Variants in NAALADL2 observed in about 807,000 individuals in gnomAD.
The protein encoded by NAALADL2 is N-acetylated alpha-linked acidic dipeptidase like 2.
A neutral mutation model predicts 87.2 loss-of-function variants in NAALADL2; 76 were observed. The observed-to-expected ratio is 0.87, with a 90% CI of 0.72 to 1.05. The LOEUF is 1.05. Among genes scored for constraint, NAALADL2 ranks in the 50% least tolerant of loss-of-function variants. The probability of loss-of-function intolerance (pLI) is 0.00; values close to 1 mark genes in which losing one functional copy is unlikely to be tolerated. For synonymous variants in NAALADL2, 354 were observed against 331.0 expected (o/e 1.07, Z -0.75); for missense variants, 1,089 against 945.8 (o/e 1.15, Z -1.99).
chr3:174,761,566 A>C (rs1202017588), intron 3 of NAALADL2, among the ~76,000 whole-genome samples: 1 of 152,136 alleles, frequency 6.6e-6, no homozygotes, highest in Admixed American at 6.6e-5. Context: ...AGAGAGTATA[A>C]AGGATCCTAT....
In NAALADL2 at chr3:175,050,357, G is replaced by A. The variant is rs909011368; in HGVS notation, c.44-46433G>A. Among the ~76,000 whole-genome samples the A allele has an allele frequency of 4.6e-5, 7 of 152,002 alleles. No homozygotes were observed. In the East Asian group the frequency reaches 1.2e-3, roughly 25 times the overall value. On this transcript the variant is annotated intron_variant, in intron 1 of 13. Coordinates refer to ENST00000454872, the MANE Select transcript of NAALADL2 (RefSeq NM_207015.3). The stretch of plus-strand genomic sequence containing the variant: ...AGCTCACTGCAGCCTCTGCCTCCTG[G>A]GTTCAAACAGTTCTCCTGCTCAGCC...
chr3:175,582,122 A>T (rs2149576641), intron 10 of NAALADL2, among the ~76,000 whole-genome samples: 1 of 152,292 alleles, frequency 6.6e-6, no homozygotes, highest in East Asian at 1.9e-4. Flanking sequence ...TGTACAGTAT[A>T]TGAAATGCCT....
chr3:175,256,400 TCC>T lies in NAALADL2; in HGVS notation c.820-10_820-9del. The T allele has an allele frequency of 6.3e-7, 1 of 1,595,342 alleles. No individual in the cohort carries two copies. The highest frequency in any genetic ancestry group is 8.5e-7 in the Non-Finnish European group (1 of 1,173,892). On this transcript the variant is annotated splice_polypyrimidine_tract_variant and intron_variant, in intron 3 of 13. Transcript: ENST00000454872. ...AGGCTTTATTTTTCTTTGTTTTTTC[TCC>T]TCTTTCAGGCTGAAGTCATCGATGT...
chr3:175,328,624 G>A (rs563736778), intron 5 of NAALADL2, among the ~76,000 whole-genome samples: 1 of 152,246 alleles, frequency 6.6e-6, no homozygotes, highest in Non-Finnish European at 1.5e-5. Flanking sequence ...AGAGACTTTA[G>A]TGCTTATATA....
At chr3:175,581,958 T>C (rs1719847566) in intron 10 of NAALADL2, among the ~76,000 whole-genome samples, 1 of 152,192 alleles carries the variant, frequency 6.6e-6, no homozygotes, top group African/African-American at 2.4e-5. Context: ...TGCTATCCCA[T>C]TCACCTGACA....
intron 1 of NAALADL2, among the ~76,000 whole-genome samples, chr3:174,995,304 T>C (rs748175735): frequency 6.6e-6 from 1 of 152,202 alleles, no homozygotes; most frequent in Non-Finnish European, 1.5e-5. Flanking sequence ...CTTTCTCCAA[T>C]GCTGTAATGG....
chr3:174,574,241 C>CT (rs148910501), intron 2 of NAALADL2, among the ~76,000 whole-genome samples: 10,992 of 151,132 alleles, frequency 0.073, 849 homozygotes, highest in African/African-American at 0.19. Context: ...GAATTTTTGA[C>CT]TTTTTTTTTG....
chr3:175,224,879 A>G (rs1384606945), intron 2 of NAALADL2, among the ~76,000 whole-genome samples: 1 of 152,150 alleles, frequency 6.6e-6, no homozygotes, highest in Non-Finnish European at 1.5e-5. Context: ...TACTATCATT[A>G]CTTCCAAAGG....
chr3:174,525,930 C>T (rs1171800102), intron 1 of NAALADL2, among the ~76,000 whole-genome samples: 1 of 152,134 alleles, frequency 6.6e-6, no homozygotes, highest in Non-Finnish European at 1.5e-5. Flanking sequence ...TTGTTCTGAT[C>T]TTATACAAGA....
At chr3:175,446,644 C>A (rs1320974175) in intron 5 of NAALADL2, among the ~76,000 whole-genome samples, 1 of 152,144 alleles carries the variant, frequency 6.6e-6, no homozygotes, top group African/African-American at 2.4e-5. Flanking sequence ...GGAACAGGCA[C>A]CCACACTGAC....
intron 13 of NAALADL2, chr3:175,767,763 T>C (rs1355576505): frequency 6.6e-6 from 1 of 152,102 alleles, no homozygotes; most frequent in Non-Finnish European, 1.5e-5. Flanking sequence ...AGAACTGAAA[T>C]AGAACCTTCA....
chr3:175,458,106 G>A (rs1722591425), intron 6 of NAALADL2, among the ~76,000 whole-genome samples: 1 of 151,940 alleles, frequency 6.6e-6, no homozygotes, highest in Non-Finnish European at 1.5e-5. Flanking sequence ...GGCACCATAA[G>A]ATGTACCAAA....
At chr3:174,547,617 C>T (rs1344078623) in intron 1 of NAALADL2, among the ~76,000 whole-genome samples, 2 of 151,964 alleles carry the variant, frequency 1.3e-5, no homozygotes, top group African/African-American at 4.8e-5. Context: ...AGTCATTTTC[C>T]TTTCTCAGCA....
Position 175,313,299 on chromosome 3 carries a change from A to G in NAALADL2, c.940-10876A>G, listed in dbSNP as rs559882737. Among the ~76,000 whole-genome samples, 10 of 152,258 alleles carry G rather than the reference A, an allele frequency of 6.6e-5. No homozygotes were observed. The East Asian group carries it at 1.9e-3, about 29-fold the overall frequency. The stretch of plus-strand genomic sequence containing the variant: ...AACATATGCATTTTGAGGGAACACA[A>G]TTCAGTCCATAACAGTGAGACTTAA... On this transcript the variant is annotated intron_variant, in intron 4 of 13. Transcript: ENST00000454872.
At chr3:174,464,213 A>G (rs548543683) in intron 1 of NAALADL2, among the ~76,000 whole-genome samples, 103 of 152,274 alleles carry the variant, frequency 6.8e-4, no homozygotes, top group South Asian at 4.6e-3. Flanking sequence ...AGTCCCCTTA[A>G]AAGTGTTTTA....
intron 9 of NAALADL2, among the ~76,000 whole-genome samples, chr3:175,559,584 T>C (rs1715927639): frequency 6.6e-6 from 1 of 152,216 alleles, no homozygotes; most frequent in African/African-American, 2.4e-5. Flanking sequence ...GTCTGTCATA[T>C]ATGGCTTTTA....
At chr3:175,672,306 G>A (rs1399264926) in intron 11 of NAALADL2, among the ~76,000 whole-genome samples, 1 of 152,102 alleles carries the variant, frequency 6.6e-6, no homozygotes, top group East Asian at 1.9e-4. Flanking sequence ...AATGAGCAGT[G>A]AGCATAAATA....
intron 1 of NAALADL2, among the ~76,000 whole-genome samples, chr3:174,908,126 A>G (rs1579468574): frequency 6.9e-6 from 1 of 145,408 alleles, no homozygotes; most frequent in East Asian, 2.0e-4. Flanking sequence ...ATGTAATTGC[A>G]TGGAAAGTTC....
At chr3:174,904,064 T>C (rs1040953738) in intron 1 of NAALADL2, among the ~76,000 whole-genome samples, 1 of 151,714 alleles carries the variant, frequency 6.6e-6, no homozygotes, top group African/African-American at 2.4e-5. Flanking sequence ...CTTATAGATA[T>C]ACAGAGATAT....
Sources: gnomAD v4.1 joint callset for allele counts (sites outside exome capture counted in the v4.1 genomes callset) on GRCh38, gnomAD v4.1.1 for gene constraint, MANE v1.5 for transcripts, NCBI Gene and HGNC (gene_info 2026-07-23, HGNC 2026-07-21) for gene names.